The following ANKRD30A variants were observed in gnomAD, a reference collection of about 807,000 sequenced individuals.
ANKRD30A encodes ankyrin repeat domain 30A, also known as ankyrin repeat domain-containing protein 30A.
A neutral mutation model predicts 166.3 loss-of-function variants in ANKRD30A; 170 were observed. The ratio of observed to expected loss-of-function variants is 1.02; its 90% CI spans 0.90 to 1.16. The LOEUF is 1.16. Ranked by LOEUF, ANKRD30A falls within the 50% of genes most tolerant of loss-of-function variation. The probability of loss-of-function intolerance (pLI) is 0.00; values close to 1 mark genes in which losing one functional copy is unlikely to be tolerated. For missense variants in ANKRD30A, 1,630 were observed against 1,518.0 expected (o/e 1.07, Z -1.23); for synonymous variants, 564 against 508.9 (o/e 1.11, Z -1.46).
chr10:37,260,599 T>C, the ANKRD30A span, among the ~76,000 whole-genome samples: 1 of 152,336 alleles, frequency 6.6e-6, no homozygotes, highest in East Asian at 1.9e-4. Flanking sequence ...CCACTTCTAC[T>C]TATGATTCCG....
At chr10:37,167,415 T>A (rs1245838115) in intron 19 of ANKRD30A, among the ~76,000 whole-genome samples, 1 of 151,236 alleles carries the variant, frequency 6.6e-6, no homozygotes, top group Non-Finnish European at 1.5e-5. Context: ...AAAATTGCCA[T>A]TTTATAAAAC....
intron 24 of ANKRD30A, among the ~76,000 whole-genome samples, chr10:37,183,827 TAAAC>T (rs1840208294): frequency 6.7e-6 from 1 of 148,308 alleles, no homozygotes; most frequent in African/African-American, 2.5e-5. Flanking sequence ...TTAGAAAACA[TAAAC>T]AAAAGATAGT....
chr10:37,259,357 T>C, the ANKRD30A span, among the ~76,000 whole-genome samples: 2 of 152,096 alleles, frequency 1.3e-5, no homozygotes, highest in Non-Finnish European at 2.9e-5. Context: ...AAATAAAAAA[T>C]ACAGATAATG....
chr10:37,160,285 C>A (rs1216007976), intron 15 of ANKRD30A, among the ~76,000 whole-genome samples: 2 of 152,106 alleles, frequency 1.3e-5, no homozygotes, highest in African/African-American at 2.4e-5. Context: ...TTAAAATACA[C>A]GAATTGGAAA....
chr10:37,241,706 C>T, the ANKRD30A span, among the ~76,000 whole-genome samples: 1 of 152,232 alleles, frequency 6.6e-6, no homozygotes, highest in East Asian at 1.9e-4. Context: ...GCAATTGACA[C>T]CATACCATCA....
Position 37,145,728 on chromosome 10 carries a change from G to A in ANKRD30A, c.1455+672G>A, listed in dbSNP as rs528617060. On this transcript the variant is annotated intron_variant, in intron 8 of 35. Coordinates refer to ENST00000361713, the MANE Select transcript of ANKRD30A (RefSeq NM_052997.3). ...ATATGACTCAGTGGTATATCTAGACGTACAAAAATTTTAATTGGATTCATA... is the reference window on the plus strand; with the variant it reads ...ATATGACTCAGTGGTATATCTAGACATACAAAAATTTTAATTGGATTCATA... 2.2e-4 allele frequency among the ~76,000 whole-genome samples: 34 copies of A among 152,134 alleles called. No individual in the cohort carries two copies. In the South Asian group the frequency reaches 4.1e-3, roughly 19 times the overall value.
chr10:37,141,647 T>G, intron 6 of ANKRD30A, 71 bp from the exon 7 acceptor site: 1 of 1,575,832 alleles, frequency 6.3e-7, no homozygotes, highest in East Asian at 2.3e-5. Context: ...TGAGTAGAAG[T>G]TTGCCAGGTG....
downstream of ANKRD30A, among the ~76,000 whole-genome samples, chr10:37,233,112 G>T (rs1843527340): frequency 6.6e-6 from 1 of 151,914 alleles, no homozygotes; most frequent in East Asian, 1.9e-4. Flanking sequence ...TCTTTACCTG[G>T]CTTCATATTC....
At position 37,137,228 on chromosome 10, in the gene ANKRD30A, A is replaced by G. The variant is rs575221534; in HGVS notation, c.820+557A>G. ...AATTGAACATCTAATCATGAAAAGTAGGAATTAATAACAGAAGCCAAGATG... is the reference window on the plus strand; with the variant it reads ...AATTGAACATCTAATCATGAAAAGTGGGAATTAATAACAGAAGCCAAGATG... On this transcript the variant is annotated intron_variant, in intron 6 of 35. Coordinates refer to ENST00000361713, the MANE Select transcript of ANKRD30A (RefSeq NM_052997.3). Among the ~76,000 whole-genome samples, 5 of 152,336 alleles carry G rather than the reference A, an allele frequency of 3.3e-5. No homozygotes were observed. In the East Asian group the frequency reaches 9.6e-4, roughly 29 times the overall value.
chr10:37,204,820 T>G (rs1841881881), intron 31 of ANKRD30A, among the ~76,000 whole-genome samples: 1 of 152,204 alleles, frequency 6.6e-6, no homozygotes, highest in Middle Eastern at 3.2e-3. Context: ...AAAGAAGATA[T>G]TTATGCAGAC....
At chr10:37,243,860 G>A in the ANKRD30A span, among the ~76,000 whole-genome samples, 1 of 151,958 alleles carries the variant, frequency 6.6e-6, no homozygotes, top group Non-Finnish European at 1.5e-5. Context: ...GAACCACCGA[G>A]TGATGGCAGT....
At chr10:37,183,797 T>C (rs1260692001) in intron 24 of ANKRD30A, among the ~76,000 whole-genome samples, 1 of 148,164 alleles carries the variant, frequency 6.7e-6, no homozygotes, top group Admixed American at 6.8e-5. Context: ...ATACCTAATA[T>C]AATTGTCAAC....
At chr10:37,143,255 A>T (rs113247298) in intron 7 of ANKRD30A, among the ~76,000 whole-genome samples, 270 of 123,998 alleles carry the variant, frequency 2.2e-3, no homozygotes, top group Middle Eastern at 4.3e-3. Flanking sequence ...GATTCATTGG[A>T]AAATTTTGAG....
At chr10:37,212,674 T>C (rs930209391) in intron 31 of ANKRD30A, among the ~76,000 whole-genome samples, 2 of 151,966 alleles carry the variant, frequency 1.3e-5, no homozygotes, top group Non-Finnish European at 1.5e-5. Flanking sequence ...AACAGAGATA[T>C]AGACCAATGG....
At chr10:37,154,251 T>C (rs17606243) in intron 13 of ANKRD30A, among the ~76,000 whole-genome samples, 1 of 152,204 alleles carries the variant, frequency 6.6e-6, no homozygotes, top group Non-Finnish European at 1.5e-5. Context: ...ATGTATATAA[T>C]TTGTCATATA....
chr10:37,201,427 G>T, intron 31 of ANKRD30A, 102 bp downstream of exon 31: 4 of 843,514 alleles, frequency 4.7e-6, no homozygotes, highest in Non-Finnish European at 6.8e-6. Flanking sequence ...CCTCCTAAAT[G>T]CAAACCATGG....
chr10:37,156,027 GC>G (rs1838352533), intron 13 of ANKRD30A, among the ~76,000 whole-genome samples: 1 of 151,122 alleles, frequency 6.6e-6, no homozygotes, highest in Non-Finnish European at 1.5e-5. Context: ...CTTGTAGCGA[GC>G]CAAGATCTCG....
At chr10:37,222,791 G>A (rs957000963) in intron 34 of ANKRD30A, among the ~76,000 whole-genome samples, 6 of 151,280 alleles carry the variant, frequency 4.0e-5, no homozygotes, top group African/African-American at 1.5e-4. Context: ...GCTTCAGGAT[G>A]TGTTTTCTAG....
chr10:37,221,824 T>C (rs1053137281), intron 34 of ANKRD30A, among the ~76,000 whole-genome samples: 6 of 151,350 alleles, frequency 4.0e-5, no homozygotes, highest in Non-Finnish European at 7.4e-5. Context: ...GAAGAATGTA[T>C]AATGGAATAT....
Sources: gnomAD v4.1 joint callset for allele counts (sites outside exome capture counted in the v4.1 genomes callset) on GRCh38, gnomAD v4.1.1 for gene constraint, MANE v1.5 for transcripts, NCBI Gene and HGNC (gene_info 2026-07-23, HGNC 2026-07-21) for gene names.